Variants in MACIR observed in about 807,000 individuals in gnomAD.
The protein encoded by MACIR is macrophage immunometabolism regulator, also known as UNC119-binding protein C5orf30.
Under a neutral mutation model 14.3 loss-of-function variants are expected in MACIR, and 4 were observed. The observed-to-expected ratio is 0.28, with a 90% confidence interval of 0.14 to 0.64. MACIR has a LOEUF of 0.64. Among genes scored for constraint, MACIR ranks in the 30% least tolerant of loss-of-function variants. The probability of loss-of-function intolerance (pLI) is 0.83; values close to 1 mark genes in which losing one functional copy is unlikely to be tolerated. For synonymous variants in MACIR, 101 were observed against 102.4 expected (o/e 0.99, Z 0.08); for missense variants, 228 against 257.6 (o/e 0.89, Z 0.79).
At chr5:103,275,241 A>G (rs1554237512) in intron 2 of MACIR, among the ~76,000 whole-genome samples, 2 of 152,188 alleles carry the variant, frequency 1.3e-5, no homozygotes, top group African/African-American at 4.8e-5. Context: ...ACAAAATGAT[A>G]TTCTTTAATT....
intron 1 of MACIR, among the ~76,000 whole-genome samples, chr5:103,261,638 T>C (rs548323270): frequency 5.2e-4 from 50 of 96,856 alleles, no homozygotes; most frequent in East Asian, 9.0e-4. Context: ...CTGTTTTTCT[T>C]TTTCTTTCTT....
intron 2 of MACIR, among the ~76,000 whole-genome samples, chr5:103,271,977 TTTC>T (rs782809999): frequency 6.6e-6 from 1 of 152,202 alleles, no homozygotes; most frequent in Non-Finnish European, 1.5e-5. Flanking sequence ...TTAGACCTGA[TTTC>T]TTGACTCACA....
At chr5:103,269,731 G>A (rs1192409720) in intron 2 of MACIR, among the ~76,000 whole-genome samples, 1 of 152,074 alleles carries the variant, frequency 6.6e-6, no homozygotes, top group Admixed American at 6.6e-5. Flanking sequence ...TTTCTTGACT[G>A]TTCTTCTTGG....
At chr5:103,263,099 A>G (rs1554236436) in intron 1 of MACIR, among the ~76,000 whole-genome samples, 1 of 152,138 alleles carries the variant, frequency 6.6e-6, no homozygotes, top group Admixed American at 6.5e-5. Flanking sequence ...TTTGTAGTAG[A>G]TTTCTTTATG....
At chr5:103,270,375 C>T (rs1805082496) in intron 2 of MACIR, among the ~76,000 whole-genome samples, 1 of 152,158 alleles carries the variant, frequency 6.6e-6, no homozygotes, top group African/African-American at 2.4e-5. Flanking sequence ...GAAGTAATCA[C>T]TCACTCTTAC....
At chr5:103,266,679 G>A (rs1804934721) in intron 2 of MACIR, among the ~76,000 whole-genome samples, 1 of 152,052 alleles carries the variant, frequency 6.6e-6, no homozygotes, top group African/African-American at 2.4e-5. Flanking sequence ...ATATTAGTGT[G>A]ACTTCATGCT....
chr5:103,268,073 C>T (rs782611242), intron 2 of MACIR, among the ~76,000 whole-genome samples: 10 of 152,178 alleles, frequency 6.6e-5, no homozygotes, highest in Non-Finnish European at 1.0e-4. Flanking sequence ...TTGTTTATCT[C>T]TTTCCCTGTT....
Position 103,276,714 on chromosome 5 carries a change from A to AC in MACIR, c.*175dup, listed in dbSNP as rs1274673291. The AC allele has an allele frequency of 3.8e-6, 2 of 522,884 alleles. No individual in the cohort carries two copies. Among genetic ancestry groups the AC allele is most frequent in the Non-Finnish European group, 6.6e-6 (2 of 301,566 alleles). The allele number at this position is 522,884 out of a possible 1,614,324, so 32.4% of individuals were successfully genotyped here. ...TGAATACAGGAATGAAATCACAGGT[A>AC]CTTGGGGGGGGGATATCATTCTAGA... On this transcript the variant is annotated 3_prime_UTR_variant, in exon 3 of 3. Transcript: ENST00000319933.
In MACIR at chr5:103,274,758, G is replaced by A. The variant is rs781789260; in HGVS notation, c.-23-1139G>A. Among the ~76,000 whole-genome samples, 5 of 152,108 alleles carry A rather than the reference G, an allele frequency of 3.3e-5. No individual in the cohort carries two copies. In the East Asian group the frequency reaches 7.7e-4, roughly 24 times the overall value. ...GGTTATTTGTCTAGTGAGAAGATTC[G>A]TAAGAGTTATTTAATTTTTAAGTAA... On this transcript the variant is annotated intron_variant, in intron 2 of 2. Transcript: ENST00000319933.
chr5:103,262,770 G>A (rs1804774678), intron 1 of MACIR, among the ~76,000 whole-genome samples: 1 of 152,138 alleles, frequency 6.6e-6, no homozygotes, highest in Non-Finnish European at 1.5e-5. Context: ...ATAACTGGAA[G>A]CATTTATTAT....
chr5:103,268,040 C>T (rs190943530), intron 2 of MACIR, among the ~76,000 whole-genome samples: 2 of 152,240 alleles, frequency 1.3e-5, no homozygotes, highest in Admixed American at 1.3e-4. Context: ...TGAGTGGTAT[C>T]CATTGTAGGG....
chr5:103,263,879 A>G (rs1268142094), intron 1 of MACIR, among the ~76,000 whole-genome samples: 8 of 152,118 alleles, frequency 5.3e-5, no homozygotes, highest in Non-Finnish European at 5.9e-5. Flanking sequence ...TTTCTGTCGC[A>G]TAATTTATGA....
Position 103,278,402 on chromosome 5 carries a change from C to T in MACIR, c.*1862C>T, listed in dbSNP as rs1245409989. 1.2e-5 allele frequency: 2 copies of T among 167,050 alleles called. No homozygotes were observed. The highest frequency in any genetic ancestry group is 2.4e-5 in the African/African-American group (1 of 41,438). 10.3% of individuals were successfully genotyped at this position (167,050 alleles called of 1,614,324 possible). A position where few individuals can be genotyped will look rare whatever the true frequency, so the allele number is the denominator to read the frequency against. ...GTTGTGTGGTGCTTTAAACTAGGTCCACTATCAACAGGCTACTTACTGTTC... is the reference window on the plus strand; with the variant it reads ...GTTGTGTGGTGCTTTAAACTAGGTCTACTATCAACAGGCTACTTACTGTTC... On this transcript the variant is annotated 3_prime_UTR_variant, in exon 3 of 3. Coordinates refer to ENST00000319933, the MANE Select transcript of MACIR (RefSeq NM_033211.4).
chr5:103,267,816 T>G (rs1804981776), intron 2 of MACIR, among the ~76,000 whole-genome samples: 1 of 152,150 alleles, frequency 6.6e-6, no homozygotes, highest in Non-Finnish European at 1.5e-5. Flanking sequence ...ACCACTACAG[T>G]CAACAAATAG....
intron 1 of MACIR, among the ~76,000 whole-genome samples, chr5:103,261,888 A>T (rs554663688): frequency 2.7e-4 from 41 of 152,066 alleles, no homozygotes; most frequent in Middle Eastern, 3.4e-3. Context: ...GATGAATGTG[A>T]TTTTTATTTA....
At chr5:103,260,294 A>G (rs1804632276) in intron 1 of MACIR, among the ~76,000 whole-genome samples, 1 of 151,428 alleles carries the variant, frequency 6.6e-6, no homozygotes, top group Non-Finnish European at 1.5e-5. Context: ...AAATCCTGTA[A>G]TGCTGGATTG....
intron 2 of MACIR, among the ~76,000 whole-genome samples, 193 bp from the exon 3 acceptor site, chr5:103,275,704 T>G (rs1190109543): frequency 6.6e-6 from 1 of 152,214 alleles, no homozygotes; most frequent in Non-Finnish European, 1.5e-5. Context: ...GCCTTTCAGT[T>G]CTTAAAGGCA....
chr5:103,267,810 C>G (rs1804981669), intron 2 of MACIR, among the ~76,000 whole-genome samples: 1 of 152,128 alleles, frequency 6.6e-6, no homozygotes, highest in African/African-American at 2.4e-5. Flanking sequence ...GTAATGACCA[C>G]TACAGTCAAC....
At chr5:103,271,866 A>C (rs768714865) in intron 2 of MACIR, among the ~76,000 whole-genome samples, 3 of 152,122 alleles carry the variant, frequency 2.0e-5, no homozygotes, top group Non-Finnish European at 4.4e-5. Context: ...TTCTATTTAC[A>C]GTCTATTTTT....
Sources: allele counts gnomAD v4.1 joint callset (sites outside exome capture counted in the v4.1 genomes callset), GRCh38; gene constraint gnomAD v4.1.1; transcripts MANE v1.5; gene names NCBI Gene and HGNC (gene_info 2026-07-23, HGNC 2026-07-21).